The following CCDC22 variants were observed in gnomAD, a reference collection of about 807,000 sequenced individuals.
CCDC22 encodes the protein CCC complex scaffolding subunit CCDC22.
In CCDC22, 4 loss-of-function variants were observed where a neutral mutation model predicts 53.1. The observed-to-expected ratio is 0.08, with a 90% CI of 0.04 to 0.17. CCDC22 has a LOEUF of 0.17. Ranked by LOEUF, CCDC22 falls within the 10% of genes least tolerant of loss-of-function variation. CCDC22 has a pLI of 1.00. For synonymous variants in CCDC22, 222 were observed against 224.4 expected (o/e 0.99, Z 0.10); for missense variants, 458 against 554.0 (o/e 0.83, Z 1.74).
rs1033448203 is a variant in CCDC22, at chrX:49,248,115, G to A, written c.1093-76G>A. The A allele has an allele frequency of 5.9e-6, 7 of 1,191,221 alleles. No homozygotes were observed. In the East Asian group the frequency reaches 1.5e-4, roughly 25 times the overall value. On this transcript the variant is annotated intron_variant, in intron 9 of 16. Coordinates refer to ENST00000376227, the MANE Select transcript of CCDC22 (RefSeq NM_014008.5). ...GCGTGGAGCTGTTAGAGAGGCCTGTGGGGGCCACAGGGGTGTACAGTCATC... is the reference window on the plus strand; with the variant it reads ...GCGTGGAGCTGTTAGAGAGGCCTGTAGGGGCCACAGGGGTGTACAGTCATC...
At chrX:49,249,466 A>G (rs782737409) in intron 14 of CCDC22, 43 bp from the exon 15 acceptor site, 1 of 1,163,915 alleles carries the variant, frequency 8.6e-7, no homozygotes, top group African/African-American at 1.8e-5. Context: ...GAGATGGTCA[A>G]GGGCAGCCCA....
At chrX:49,247,444 G>T in intron 7 of CCDC22, 52 bp from the exon 8 acceptor site, 1 of 1,119,427 alleles carries the variant, frequency 8.9e-7, no homozygotes, top group Non-Finnish European at 1.2e-6. Context: ...GCTGGGCCAC[G>T]TGAGGAAGGG....
chrX:49,237,179 G>T lies in CCDC22; in HGVS notation c.144G>T (p.Ala48=), dbSNP rs782474626. 32 of 1,210,718 alleles carry T rather than the reference G, an allele frequency of 2.6e-5. No individual in the cohort carries two copies. The South Asian group carries it at 5.3e-4, about 20-fold the overall frequency. Residue 48 remains alanine, a synonymous_variant, in exon 2 of 17, where the codon GCG becomes GCT. Coordinates refer to ENST00000376227, the MANE Select transcript of CCDC22 (RefSeq NM_014008.5). ...VVRCLRVINP[A]VGSGLSPLLP... is the part of the protein sequence containing the mutation. ...GCTGCCTGCGTGTGATCAACCCTGC[G>T]GTGGGCTCTGGCCTCAGCCCTCTGC...
intron 2 of CCDC22, among the ~76,000 whole-genome samples, chrX:49,238,592 AT>A (rs2065949731): frequency 8.9e-6 from 1 of 112,769 alleles, no homozygotes; most frequent in South Asian, 3.6e-4. Context: ...CTTTTAAAAA[AT>A]ATTTTAATTT....
At chrX:49,245,668 GCTGT>G (rs1208204749) in intron 6 of CCDC22, among the ~76,000 whole-genome samples, 1 of 112,477 alleles carries the variant, frequency 8.9e-6, no homozygotes, top group African/African-American at 3.2e-5. Flanking sequence ...ACCACGCCTG[GCTGT>G]CTGTCTTTGT....
chrX:49,235,746 C>A, intron 1 of CCDC22, 60 bp downstream of exon 1: 1 of 1,037,071 alleles, frequency 9.6e-7, no homozygotes, highest in Non-Finnish European at 1.3e-6. Flanking sequence ...AAGCCCAGGA[C>A]CCCGTTTCCC....
At position 49,250,085 on chromosome X, in the gene CCDC22, G is replaced by A. The variant is rs782082339; in HGVS notation, c.1771-63G>A. Reference sequence around the variant, plus strand: ...GCCCAGAGTGGCTGTGATGGGGGCTGGTGAGCAGGAGCTGGGAAAGGGGCT... The same window carrying A: ...GCCCAGAGTGGCTGTGATGGGGGCTAGTGAGCAGGAGCTGGGAAAGGGGCT... On this transcript the variant is annotated intron_variant, in intron 16 of 16. Transcript: ENST00000376227. 72 of 687,653 alleles carry A rather than the reference G, an allele frequency of 1.0e-4. No homozygotes were observed. The African/African-American group carries it at 1.4e-3, about 13-fold the overall frequency. The allele number at this position is 687,653 out of a possible 1,213,427, so 56.7% of individuals were successfully genotyped here.
Position 49,249,147 on chromosome X carries a change from G to A in CCDC22, c.1540-20G>A. 1 of 1,194,106 alleles carries A rather than the reference G, an allele frequency of 8.4e-7. No individual in the cohort carries two copies. Among genetic ancestry groups the A allele is most frequent in the Non-Finnish European group, 1.1e-6 (1 of 879,843 alleles). ...AGCCTGCCCCAGGCAGGGGCTCATG[G>A]CTGCCATGGTGTCTGCCAGATCTTG... On this transcript the variant is annotated intron_variant, in intron 13 of 16. Coordinates refer to ENST00000376227, the MANE Select transcript of CCDC22 (RefSeq NM_014008.5).
intron 15 of CCDC22, 36 bp from the exon 16 acceptor site, chrX:49,249,615 G>GCA: frequency 2.5e-6 from 1 of 406,826 alleles, no homozygotes; most frequent in Non-Finnish European, 4.5e-6. Flanking sequence ...GGGTGGGTGG[G>GCA]ACTGGGTGCA....
intron 7 of CCDC22, 21 bp from the exon 8 acceptor site, chrX:49,247,475 G>A: frequency 8.5e-7 from 1 of 1,181,003 alleles, no homozygotes; most frequent in Non-Finnish European, 1.1e-6. Context: ...CAGCCAGGAT[G>A]CCCCTCGTCA....
rs1317193784 is a variant in CCDC22 at position 49,235,861 on chromosome X, A to ACACACG, written c.50+178_50+179insACGCAC. 2.2e-3 allele frequency among the ~76,000 whole-genome samples: 232 copies of ACACACG among 105,786 alleles called. 3 individuals are homozygous for ACACACG. The highest frequency in any genetic ancestry group is 7.5e-3 in the African/African-American group (212 of 28,448). The allele number at this position is 105,786 out of a possible 115,157, so 91.9% of individuals were successfully genotyped here. ...CACACACACACACACACACACACAC[A>ACACACG]CACGCACACACACACCGCCCTCCCT... On this transcript the variant is annotated intron_variant, in intron 1 of 16. Transcript: ENST00000376227.
At chrX:49,238,135 G>A (rs2065947199) in intron 2 of CCDC22, among the ~76,000 whole-genome samples, 2 of 95,869 alleles carry the variant, frequency 2.1e-5, no homozygotes, top group Admixed American at 1.2e-4. Flanking sequence ...ATGCAGTGGC[G>A]TGATCTCAGC....
intron 3 of CCDC22, 91 bp from the exon 4 acceptor site, chrX:49,242,794 TG>T: frequency 4.0e-6 from 2 of 495,079 alleles, no homozygotes; most frequent in Non-Finnish European, 6.6e-6. Context: ...TATCTCTGGA[TG>T]GGGGTCAGGA....
intron 6 of CCDC22, among the ~76,000 whole-genome samples, chrX:49,245,917 G>A (rs1036301347): frequency 9.0e-6 from 1 of 111,552 alleles, no homozygotes; most frequent in Non-Finnish European, 1.9e-5. Flanking sequence ...CATTTTCATG[G>A]CTAATGAAGT....
rs1557112621 is a variant in CCDC22, at chrX:49,235,849, A to ACACACACACG, written c.50+172_50+173insGCACACACAC. ...CTTACACACACACACACACACACAC[A>ACACACACACG]CACACACACACACACGCACACACAC... On this transcript the variant is annotated intron_variant, in intron 1 of 16. Coordinates refer to ENST00000376227, the MANE Select transcript of CCDC22 (RefSeq NM_014008.5). 7.1e-3 allele frequency among the ~76,000 whole-genome samples: 639 copies of ACACACACACG among 90,483 alleles called. 2 individuals are homozygous for ACACACACACG. The highest frequency in any genetic ancestry group is 0.012 in the Non-Finnish European group (509 of 42,476). The allele number at this position is 90,483 out of a possible 115,157, so 78.6% of individuals were successfully genotyped here. A position where few individuals can be genotyped will look rare whatever the true frequency, so the allele number is the denominator to read the frequency against.
At chrX:49,249,924 C>T (rs1389059153) in intron 16 of CCDC22, among the ~76,000 whole-genome samples, 199 bp downstream of exon 16, 3 of 112,936 alleles carry the variant, frequency 2.7e-5, no homozygotes, top group South Asian at 3.6e-4. Flanking sequence ...GTCTGCCTCC[C>T]AGGGCCATGG....
In CCDC22 at chrX:49,250,297, CAGGGATT is replaced by C; in HGVS notation, c.*37_*43del. ...GCAGAGGTCTCTCCCCAGCCTCAGG[CAGGGATT>C]TGGGGTGCTGGAGGCAGTGGCCAAG... On this transcript the variant is annotated 3_prime_UTR_variant, in exon 17 of 17. Transcript: ENST00000376227. 1.2e-6 allele frequency: 1 copy of C among 829,111 alleles called. No homozygotes were observed. The highest frequency in any genetic ancestry group is 1.8e-6 in the Non-Finnish European group (1 of 565,072). The allele number at this position is 829,111 out of a possible 1,213,427, so 68.3% of individuals were successfully genotyped here. A position where few individuals can be genotyped will look rare whatever the true frequency, so the allele number is the denominator to read the frequency against.
At chrX:49,245,952 T>G (rs375042213) in intron 6 of CCDC22, among the ~76,000 whole-genome samples, 36 of 101,577 alleles carry the variant, frequency 3.5e-4, no homozygotes, top group African/African-American at 7.1e-4. Flanking sequence ...TGTGGGTTTT[T>G]TTTTGTTTTG....
At chrX:49,237,640 A>T (rs1215963109) in intron 2 of CCDC22, among the ~76,000 whole-genome samples, 2 of 110,987 alleles carry the variant, frequency 1.8e-5, no homozygotes, top group East Asian at 5.6e-4. Context: ...GCTGCAAAAT[A>T]CCACCCCCAC....
Sources: gnomAD v4.1 joint callset for allele counts (sites outside exome capture counted in the v4.1 genomes callset) on GRCh38, gnomAD v4.1.1 for gene constraint, MANE v1.5 for transcripts, NCBI Gene and HGNC (gene_info 2026-07-23, HGNC 2026-07-21) for gene names.